The following EPB41L3 variants were observed in gnomAD, a reference collection of about 807,000 sequenced individuals.
The protein encoded by EPB41L3 is band 4.1-like protein 3.
Under a neutral mutation model 127.1 loss-of-function variants are expected in EPB41L3, and 57 were observed. That is an observed-to-expected ratio of 0.45 (90% CI 0.36 to 0.56). EPB41L3 has a LOEUF of 0.56. Ranked by LOEUF, EPB41L3 falls within the 20% of genes least tolerant of loss-of-function variation. The pLI, the probability that EPB41L3 is intolerant of heterozygous loss-of-function variation, is 0.00. For missense variants in EPB41L3, 1,273 were observed against 1,372.2 expected (o/e 0.93, Z 1.14); for synonymous variants, 572 against 549.5 (o/e 1.04, Z -0.57).
chr18:5,423,724 T>C (rs944287705), intron 10 of EPB41L3, among the ~76,000 whole-genome samples, 171 bp from the exon 11 acceptor site: 17 of 152,340 alleles, frequency 1.1e-4, no homozygotes, highest in Middle Eastern at 3.4e-3. Flanking sequence ...ATATATCAAC[T>C]AGGGATATTG....
intron 3 of EPB41L3, among the ~76,000 whole-genome samples, chr18:5,456,003 A>C (rs1383619408): frequency 6.6e-6 from 1 of 152,156 alleles, no homozygotes; most frequent in East Asian, 1.9e-4. Context: ...TTTTCCTGTG[A>C]GAGGAAGTAC....
Position 5,406,803 on chromosome 18 carries a change from T to C in EPB41L3, c.2323A>G (p.Met775Val), listed in dbSNP as rs1426142622. 4.3e-6 allele frequency: 7 copies of C among 1,614,090 alleles called. No homozygotes were observed. The highest frequency in any genetic ancestry group is 3.3e-5 in the South Asian group (3 of 91,068). Residue 775 changes from methionine (M) to valine (V), a missense_variant, in exon 16 of 23, where the codon ATG (methionine) becomes GTG (valine). Transcript: ENST00000341928. ...TCTTCAGGGACAAGTGGTTCGATCA[T>C]GGGGGCATCCTCCTGCCTGGCGGCC... Reference protein sequence around the residue: ...RLAARQEDAPMIEPLVPEETK... With the variant: ...RLAARQEDAPVIEPLVPEETK...
chr18:5,473,257 T>C (rs1199772416), intron 3 of EPB41L3, among the ~76,000 whole-genome samples: 1 of 152,064 alleles, frequency 6.6e-6, no homozygotes, highest in African/African-American at 2.4e-5. Flanking sequence ...CATTATTGAA[T>C]TGGCAATATT....
chr18:5,460,288 G>C (rs1599237040), intron 3 of EPB41L3, among the ~76,000 whole-genome samples: 1 of 152,134 alleles, frequency 6.6e-6, no homozygotes, highest in African/African-American at 2.4e-5. Flanking sequence ...TGATCCTTCA[G>C]GGTGATGTCT....
chr18:5,423,619 T>C, intron 10 of EPB41L3, 66 bp from the exon 11 acceptor site: 1 of 1,434,466 alleles, frequency 7.0e-7, no homozygotes, highest in Non-Finnish European at 9.4e-7. Context: ...CTTTTTAAAC[T>C]TTTTACTCTG....
chr18:5,623,103 T>C (rs1482885056), intron 1 of EPB41L3, among the ~76,000 whole-genome samples: 1 of 152,132 alleles, frequency 6.6e-6, no homozygotes, highest in Admixed American at 6.5e-5. Context: ...TATTTCTATT[T>C]GCCAGTGAGA....
intron 2 of EPB41L3, among the ~76,000 whole-genome samples, chr18:5,483,694 C>T (rs1169847042): frequency 6.6e-6 from 1 of 151,688 alleles, no homozygotes; most frequent in Non-Finnish European, 1.5e-5. Flanking sequence ...ATAAGAGAGA[C>T]TAACAAATCT....
chr18:5,439,229 G>A (rs907604638), intron 5 of EPB41L3, among the ~76,000 whole-genome samples: 5 of 151,730 alleles, frequency 3.3e-5, no homozygotes, highest in African/African-American at 4.8e-5. Context: ...CTCACCCAGC[G>A]GCCACCGACT....
Position 5,397,270 on chromosome 18 carries a change from T to G in EPB41L3, c.2629A>C (p.Ser877Arg), listed in dbSNP as rs1201152808. 1 of 1,614,082 alleles carries G rather than the reference T, an allele frequency of 6.2e-7. No individual in the cohort carries two copies. ...SGDASYSAGD[S>R]GDAAAQPAFT... ...GCGGGCTGTGCTGCAGCATCCCCGC[T>G]GTCTCCCGCCGAGTAAGAAGCATCC... Residue 877 changes from serine (S) to arginine (R), a missense_variant, in exon 18 of 23, where the codon AGC becomes CGC. Transcript: ENST00000341928. This position sits in a 1 kb window ranked among gnomAD's most constrained non-coding sequence, Gnocchi z 4.1.
At chr18:5,414,326 G>A (rs978331340) in intron 13 of EPB41L3, among the ~76,000 whole-genome samples, 4 of 152,098 alleles carry the variant, frequency 2.6e-5, no homozygotes, top group Admixed American at 6.5e-5. Context: ...GGAGCAAATC[G>A]TTATATATAA....
chr18:5,416,326 C>A lies in EPB41L3; in HGVS notation c.1559G>T (p.Cys520Phe). The A allele has an allele frequency of 1.2e-6, 2 of 1,613,772 alleles. No homozygotes were observed. The highest frequency in any genetic ancestry group is 1.7e-6 in the Non-Finnish European group (2 of 1,180,002). ...GAGCTCTGTGGGAGATGTGGGGGCA[C>A]AATGGGTGGATGGGGGTGACAAGGG... ...SCPLSPPSTH[C>F]APTSPTELRR... The change falls in exon 13 of 23, where the codon TGT (cysteine) becomes TTT (phenylalanine). Residue 520 changes from cysteine (C) to phenylalanine (F), a missense_variant. Cys to Phe is a radical substitution (Grantham distance 205). Transcript: ENST00000341928.
At position 5,419,807 on chromosome 18, in the gene EPB41L3, CGGA is replaced by C. The variant is rs766438883; in HGVS notation, c.1407_1409del (p.Pro470del). On this transcript the variant is annotated inframe_deletion, in exon 12 of 23. Transcript: ENST00000341928. ...CCCGCTCCTCCTCAGCCTTCTTCTCCGGAGTCACAGTGGTGATCAAGTTGGTCT... is the reference window on the plus strand; with the variant it reads ...CCCGCTCCTCCTCAGCCTTCTTCTCCGTCACAGTGGTGATCAAGTTGGTCT... 6 of 1,614,198 alleles carry C rather than the reference CGGA, an allele frequency of 3.7e-6. No homozygotes were observed. The Admixed American group carries it at 1.0e-4, about 27-fold the overall frequency.
At position 5,421,218 on chromosome 18, in the gene EPB41L3, T is replaced by C. The variant is rs142313083; in HGVS notation, c.1340-1341A>G. Among the ~76,000 whole-genome samples the C allele has an allele frequency of 2.4e-4, 37 of 152,290 alleles. No homozygotes were observed. In the East Asian group the frequency reaches 6.8e-3, roughly 28 times the overall value. On this transcript the variant is annotated intron_variant, in intron 11 of 22. Transcript: ENST00000341928. The stretch of plus-strand genomic sequence containing the variant: ...TGTCTTCTGTCTTCTCAGCAGTCAT[T>C]ATCACACTAAAGGTCATAAGGAAAA...
At chr18:5,459,430 G>C (rs923322463) in intron 3 of EPB41L3, among the ~76,000 whole-genome samples, 6 of 150,530 alleles carry the variant, frequency 4.0e-5, no homozygotes, top group Admixed American at 2.0e-4. Context: ...GATTTATTAT[G>C]AATTATTAAT....
chr18:5,404,547 A>G (rs115129407), intron 16 of EPB41L3, among the ~76,000 whole-genome samples: 1 of 152,344 alleles, frequency 6.6e-6, no homozygotes, highest in African/African-American at 2.4e-5. Flanking sequence ...GTATATTCAA[A>G]GTACTCCTTA....
intron 21 of EPB41L3, 26 bp downstream of exon 21, chr18:5,395,041 G>T: frequency 1.2e-6 from 2 of 1,604,660 alleles, no homozygotes; most frequent in Non-Finnish European, 1.7e-6. Context: ...TCTCTGCCAG[G>T]GTATTTACCG....
At chr18:5,587,622 G>T (rs140372650) in intron 3 of EPB41L3, among the ~76,000 whole-genome samples, 1 of 152,264 alleles carries the variant, frequency 6.6e-6, no homozygotes, top group East Asian at 1.9e-4. Flanking sequence ...TGGTAGCATA[G>T]ACCACAAATA....
At position 5,493,687 on chromosome 18, in the gene EPB41L3, C is replaced by T. The variant is rs187543203; in HGVS notation, c.-11-4493G>A. 4.5e-3 allele frequency among the ~76,000 whole-genome samples: 680 copies of T among 152,244 alleles called. 3 individuals carry two copies. The highest frequency in any genetic ancestry group is 0.02 in the Middle Eastern group (6 of 294). ...TCCTACTCCCTCTAGTAGGGCCCTACCTCTCTACTTTTCTGTGGTGCCAAG... is the reference window on the plus strand; with the variant it reads ...TCCTACTCCCTCTAGTAGGGCCCTATCTCTCTACTTTTCTGTGGTGCCAAG... On this transcript the variant is annotated intron_variant, in intron 1 of 22. Coordinates refer to ENST00000341928, the MANE Select transcript of EPB41L3 (RefSeq NM_012307.5).
intron 3 of EPB41L3, among the ~76,000 whole-genome samples, chr18:5,449,399 G>C (rs1325899989): frequency 6.6e-6 from 1 of 152,206 alleles, no homozygotes; most frequent in African/African-American, 2.4e-5. Context: ...CAAAATGGTA[G>C]AGCCACTCAA....
Sources: allele counts gnomAD v4.1 joint callset (sites outside exome capture counted in the v4.1 genomes callset), GRCh38; gene constraint gnomAD v4.1.1; non-coding constraint Gnocchi (gnomAD v3.1); transcripts MANE v1.5; gene names NCBI Gene and HGNC (gene_info 2026-07-23, HGNC 2026-07-21).